The following DLC1 variants were observed in gnomAD, a reference collection of about 807,000 sequenced individuals.
DLC1 encodes the protein DLC1 Rho GTPase activating protein, also known as rho GTPase-activating protein 7.
In DLC1, 54 loss-of-function variants were observed where a neutral mutation model predicts 140.3. The observed-to-expected ratio is 0.38, with a 90% CI of 0.31 to 0.48. The LOEUF (loss-of-function observed/expected upper bound fraction) is 0.48. DLC1 is among the 20% of genes least tolerant of loss of function. The pLI is 0.96. For synonymous variants in DLC1, 986 were observed against 728.1 expected, an observed-to-expected ratio of 1.35 and a Z score of -5.70; for missense variants, 2,536 against 1,907.0, an observed-to-expected ratio of 1.33 and a Z score of -6.14.
chr8:13,305,318 C>A lies in DLC1; in HGVS notation c.1315-16G>T. 1.3e-6 allele frequency: 2 copies of A among 1,577,398 alleles called. No homozygotes were observed. The highest frequency in any genetic ancestry group is 1.2e-5 in the South Asian group (1 of 82,726). ...CTTGAATAGCCTGAAAAAAAAGACACAAAAATTGTGGTATTATTAGGAAGA... is the reference window on the plus strand; with the variant it reads ...CTTGAATAGCCTGAAAAAAAAGACAAAAAAATTGTGGTATTATTAGGAAGA... On this transcript the variant is annotated splice_polypyrimidine_tract_variant and intron_variant, in intron 4 of 17. Coordinates refer to ENST00000276297, the MANE Select transcript of DLC1 (RefSeq NM_182643.3).
chr8:13,332,980 G>A (rs945147845), intron 4 of DLC1, among the ~76,000 whole-genome samples: 3 of 151,982 alleles, frequency 2.0e-5, no homozygotes, highest in East Asian at 3.9e-4. Context: ...CCTCCCTAAA[G>A]GCAGAGAAAT....
At chr8:13,324,254 G>A (rs188770429) in intron 4 of DLC1, among the ~76,000 whole-genome samples, 1 of 152,290 alleles carries the variant, frequency 6.6e-6, no homozygotes, top group East Asian at 1.9e-4. Context: ...GGCATATGTA[G>A]TAGACATGTC....
At chr8:13,190,300 A>G (rs1431189424) in intron 5 of DLC1, among the ~76,000 whole-genome samples, 1 of 152,042 alleles carries the variant, frequency 6.6e-6, no homozygotes, top group East Asian at 1.9e-4. Flanking sequence ...CTTTGGAGAT[A>G]TCTATGGGGT....
At chr8:13,513,968 T>C (rs1802486491) in intron 1 of DLC1, among the ~76,000 whole-genome samples, 1 of 152,034 alleles carries the variant, frequency 6.6e-6, no homozygotes, top group Admixed American at 6.6e-5. Flanking sequence ...ATTCCGACAT[T>C]TAAATTTCCA....
At chr8:13,532,740 C>G (rs1174752295) in intron 1 of DLC1, among the ~76,000 whole-genome samples, 1 of 152,164 alleles carries the variant, frequency 6.6e-6, no homozygotes, top group Non-Finnish European at 1.5e-5. Flanking sequence ...CAGGTGTGAG[C>G]CACCAGGCTA....
intron 4 of DLC1, among the ~76,000 whole-genome samples, chr8:13,365,377 C>T (rs918685334): frequency 9.9e-5 from 15 of 152,282 alleles, no homozygotes; most frequent in African/African-American, 3.6e-4. Flanking sequence ...CACAGCTCCC[C>T]TCCCTTGAAG....
chr8:13,289,538 C>G (rs190948720), intron 5 of DLC1, among the ~76,000 whole-genome samples: 2 of 152,132 alleles, frequency 1.3e-5, no homozygotes, highest in Non-Finnish European at 2.9e-5. Flanking sequence ...ACTATGTTGC[C>G]CAGGCTGGCT....
Position 13,444,997 on chromosome 8 carries a change from T to G in DLC1, c.1024-43378A>C, listed in dbSNP as rs534533392. On this transcript the variant is annotated intron_variant, in intron 2 of 17. Coordinates refer to ENST00000276297, the MANE Select transcript of DLC1 (RefSeq NM_182643.3). ...GGAGAGAACGAAAAAGGCAGGATGA[T>G]AGCAGACAAGGGAAAGGTAGGAGAG... 5.3e-5 allele frequency among the ~76,000 whole-genome samples: 8 copies of G among 151,588 alleles called. 2 individuals are homozygous for G. Among genetic ancestry groups the G allele is most frequent in the African/African-American group, 1.9e-4 (8 of 41,280 alleles).
At chr8:13,258,819 A>G (rs1311855820) in intron 5 of DLC1, among the ~76,000 whole-genome samples, 1 of 152,090 alleles carries the variant, frequency 6.6e-6, no homozygotes, top group Non-Finnish European at 1.5e-5. Flanking sequence ...TAGAATACTC[A>G]ATTTCATTTT....
At chr8:13,145,675 T>C (rs1823379958) in intron 5 of DLC1, among the ~76,000 whole-genome samples, 1 of 152,208 alleles carries the variant, frequency 6.6e-6, no homozygotes, top group African/African-American at 2.4e-5. Context: ...CACAGTGGAA[T>C]ATTACACAGC....
At chr8:13,395,409 C>T (rs372379419) in intron 3 of DLC1, among the ~76,000 whole-genome samples, 8 of 152,208 alleles carry the variant, frequency 5.3e-5, no homozygotes, top group South Asian at 2.1e-4. Context: ...CATGAGCCAC[C>T]GCACCCAGCC....
chr8:13,120,987 C>A (rs562874352), intron 5 of DLC1, among the ~76,000 whole-genome samples: 1 of 152,322 alleles, frequency 6.6e-6, no homozygotes, highest in Non-Finnish European at 1.5e-5. Context: ...TTACTTCAAT[C>A]TACCATTCGC....
At chr8:13,359,641 C>G (rs966580035) in intron 4 of DLC1, among the ~76,000 whole-genome samples, 20 of 152,226 alleles carry the variant, frequency 1.3e-4, no homozygotes, top group African/African-American at 4.3e-4. Context: ...TCATGACATC[C>G]AAGAATGCTT....
At chr8:13,189,410 C>G (rs777662715) in intron 5 of DLC1, among the ~76,000 whole-genome samples, 2 of 148,866 alleles carry the variant, frequency 1.3e-5, no homozygotes, top group Non-Finnish European at 3.0e-5. Flanking sequence ...GCTGAGAGTT[C>G]AAGGCTGCAG....
At chr8:13,229,066 A>G (rs1828929742) in intron 5 of DLC1, among the ~76,000 whole-genome samples, 1 of 152,166 alleles carries the variant, frequency 6.6e-6, no homozygotes, top group Non-Finnish European at 1.5e-5. Flanking sequence ...TGACCCAGCA[A>G]TCCACTTCTA....
At position 13,224,544 on chromosome 8, in the gene DLC1, T is replaced by C. The variant is rs572857611; in HGVS notation, c.1348+80725A>G. 1.6e-3 allele frequency among the ~76,000 whole-genome samples: 247 copies of C among 152,336 alleles called. 1 individual carries two copies. Among genetic ancestry groups the C allele is most frequent in the Non-Finnish European group, 3.0e-3 (202 of 68,028 alleles). On this transcript the variant is annotated intron_variant, in intron 5 of 17. Transcript: ENST00000276297. The stretch of plus-strand genomic sequence containing the variant: ...GCACAGGTCTTAACGTGTGTATCAC[T>C]GTCTGACAGGACTTGGATGTGGGGT...
At chr8:13,497,500 A>T (rs1379008215) in intron 2 of DLC1, among the ~76,000 whole-genome samples, 2 of 152,248 alleles carry the variant, frequency 1.3e-5, no homozygotes, top group African/African-American at 4.8e-5. Context: ...GAACTTGTAA[A>T]TGAGATATAA....
chr8:13,503,888 A>C (rs1300576578), intron 1 of DLC1, among the ~76,000 whole-genome samples: 1 of 152,196 alleles, frequency 6.6e-6, no homozygotes, highest in Non-Finnish European at 1.5e-5. Context: ...ATATCTATCT[A>C]TCTGTGGTAA....
rs566886997 is a variant in DLC1, at chr8:13,245,825, C to T, written c.1348+59444G>A. 7.9e-5 allele frequency among the ~76,000 whole-genome samples: 12 copies of T among 152,124 alleles called. No individual in the cohort carries two copies. In the South Asian group the frequency reaches 2.5e-3, roughly 32 times the overall value. ...AAGCGATTCTCTTGCCTCAGCCTCC[C>T]ATGTAGCTGGGATTACAGGTGCCCA... On this transcript the variant is annotated intron_variant, in intron 5 of 17. Transcript: ENST00000276297.
Sources: allele counts gnomAD v4.1 joint callset (sites outside exome capture counted in the v4.1 genomes callset), GRCh38; gene constraint gnomAD v4.1.1; transcripts MANE v1.5; gene names NCBI Gene and HGNC (gene_info 2026-07-23, HGNC 2026-07-21).